LRRD1: variants seen among roughly 807,000 people sequenced by gnomAD.
LRRD1 encodes leucine rich repeats and death domain containing 1.
Under a neutral mutation model 69.5 loss-of-function variants are expected in LRRD1, and 49 were observed. The ratio of observed to expected loss-of-function variants is 0.70; its 90% CI spans 0.56 to 0.89. The LOEUF (loss-of-function observed/expected upper bound fraction) is 0.89, where lower values mean the gene tolerates loss of function less well. LRRD1 is among the 40% of genes least tolerant of loss of function. The probability of loss-of-function intolerance (pLI) is 0.00; values close to 1 mark genes in which losing one functional copy is unlikely to be tolerated. For synonymous variants in LRRD1, 303 were observed against 338.9 expected, an observed-to-expected ratio of 0.89 and a Z score of 1.16; for missense variants, 853 against 956.0, an observed-to-expected ratio of 0.89 and a Z score of 1.42.
chr7:92,175,228 T>G (rs1435351865), intron 1 of LRRD1, among the ~76,000 whole-genome samples: 4 of 152,364 alleles, frequency 2.6e-5, no homozygotes, highest in Admixed American at 6.5e-5. Flanking sequence ...ATAATGTTTT[T>G]TGCCATATTT....
chr7:92,156,114 A>G (rs1240878840), intron 3 of LRRD1, among the ~76,000 whole-genome samples: 1 of 152,180 alleles, frequency 6.6e-6, no homozygotes, highest in Non-Finnish European at 1.5e-5. Flanking sequence ...ACTCAATATT[A>G]ACCATAATTG....
In LRRD1 at chr7:92,144,842, T is replaced by C; in HGVS notation, c.*46A>G. 1 of 1,172,256 alleles carries C rather than the reference T, an allele frequency of 8.5e-7. No homozygotes were observed. The allele number at this position is 1,172,256 out of a possible 1,614,324, so 72.6% of individuals were successfully genotyped here. ...AAATGGTTCACAAACACAGTTTCAA[T>C]TATAAGTGCATCAAAAGTTTTCAGT... is the stretch of plus-strand genomic sequence containing the variant. On this transcript the variant is annotated 3_prime_UTR_variant, in exon 6 of 6. Coordinates refer to ENST00000458448, the MANE Select transcript of LRRD1 (RefSeq NM_001161528.2).
chr7:92,150,328 G>A (rs778164328), intron 4 of LRRD1, among the ~76,000 whole-genome samples: 49 of 152,018 alleles, frequency 3.2e-4, no homozygotes, highest in African/African-American at 1.0e-3. Flanking sequence ...AGCCAGGTGC[G>A]GTGACACATG....
intron 4 of LRRD1, among the ~76,000 whole-genome samples, chr7:92,150,196 T>C (rs1444716300): frequency 6.6e-6 from 1 of 152,232 alleles, no homozygotes; most frequent in Non-Finnish European, 1.5e-5. Flanking sequence ...CTTGGTGTGG[T>C]GGCTCACGCC....
intron 3 of LRRD1, among the ~76,000 whole-genome samples, chr7:92,151,562 G>C (rs1820467294): frequency 6.6e-6 from 1 of 152,132 alleles, no homozygotes; most frequent in Non-Finnish European, 1.5e-5. Context: ...TTGGAAGTAA[G>C]TCACTAAATC....
In LRRD1 at chr7:92,164,167, A is replaced by G. The variant is rs750122693; in HGVS notation, c.1036T>C (p.Phe346Leu). The G allele has an allele frequency of 6.5e-7, 1 of 1,547,686 alleles. No individual in the cohort carries two copies. Among genetic ancestry groups the G allele is most frequent in the South Asian group, 1.2e-5 (1 of 83,268 alleles). The change falls in exon 2 of 6, where the codon TTT (phenylalanine) becomes CTT (leucine). Residue 346 changes from phenylalanine to leucine, a missense_variant. Phe to Leu is a conservative substitution (Grantham distance 22). Coordinates refer to ENST00000458448, the MANE Select transcript of LRRD1 (RefSeq NM_001161528.2). ...AGTTCTTTTATTTTGAGTAACTGAA[A>G]AATTTCTACAGCCAGAAAGGTAAGC... ...NKLTFLAVEI[F>L]QLLKIKELQL...
chr7:92,142,591 G>A, downstream of LRRD1: 1 of 452,054 alleles, frequency 2.2e-6, no homozygotes, highest in African/African-American at 2.0e-5. Context: ...CAAGTATGAA[G>A]CCGACCCTCA....
chr7:92,165,334 C>T, intron 1 of LRRD1, 58 bp from the exon 2 acceptor site: 1 of 431,598 alleles, frequency 2.3e-6, no homozygotes, highest in Non-Finnish European at 4.0e-6. Flanking sequence ...ACAAATAAAT[C>T]TTAATACAAC....
At chr7:92,173,942 G>A (rs1466812767) in intron 1 of LRRD1, among the ~76,000 whole-genome samples, 1 of 152,118 alleles carries the variant, frequency 6.6e-6, no homozygotes, top group Non-Finnish European at 1.5e-5. Flanking sequence ...TCTATCAACA[G>A]ATGAATGGAT....
At chr7:92,174,510 T>TATATATATATATATA (rs1491100533) in intron 1 of LRRD1, among the ~76,000 whole-genome samples, 13 of 12,600 alleles carry the variant, frequency 1.0e-3, no homozygotes, top group African/African-American at 1.3e-3. Context: ...TATATATATA[T>TATATATATATATATA]TTTTTTTTTT....
At chr7:92,159,796 A>AT (rs1788759302) in intron 2 of LRRD1, among the ~76,000 whole-genome samples, 1 of 151,434 alleles carries the variant, frequency 6.6e-6, no homozygotes, top group Non-Finnish European at 1.5e-5. Context: ...TAATTTTTGT[A>AT]TTTTTAGTAG....
In LRRD1 at chr7:92,156,335, T is replaced by A. The variant is rs1788657405; in HGVS notation, c.2116+2670A>T. On this transcript the variant is annotated intron_variant, in intron 3 of 5. Transcript: ENST00000458448. ...TACATTTTAGAATTACCTCATTGTT[T>A]TCTGAAACAAAAAACTCTGCTAGGA... Among the ~76,000 whole-genome samples the A allele has an allele frequency of 4.6e-5, 7 of 152,224 alleles. No individual in the cohort carries two copies. In the South Asian group the frequency reaches 1.4e-3, roughly 31 times the overall value.
At position 92,163,850 on chromosome 7, in the gene LRRD1, G is replaced by A. The variant is rs1327512918; in HGVS notation, c.1353C>T (p.Asn451=). 8.0e-6 allele frequency: 12 copies of A among 1,503,102 alleles called. No individual in the cohort carries two copies. The highest frequency in any genetic ancestry group is 1.1e-5 in the Non-Finnish European group (12 of 1,130,494). The allele number at this position is 1,503,102 out of a possible 1,614,324, so 93.1% of individuals were successfully genotyped here. A position where few individuals can be genotyped will look rare whatever the true frequency, so the allele number is the denominator to read the frequency against. Residue 451 remains asparagine, a synonymous_variant, in exon 2 of 6, where the codon AAC becomes AAT. Coordinates refer to ENST00000458448, the MANE Select transcript of LRRD1 (RefSeq NM_001161528.2). ...NNICSLEFSG[N]IITDVPIEIK... is the part of the protein sequence containing the mutation. ...TTTCAATGGGAACATCTGTGATTAT[G>A]TTTCCTGAAAATTCTAGACTGCATA...
chr7:92,155,860 G>A (rs1213172089), intron 3 of LRRD1, among the ~76,000 whole-genome samples: 1 of 152,190 alleles, frequency 6.6e-6, no homozygotes. Context: ...CAGTGTTTGA[G>A]GGCAGGAAGC....
intron 3 of LRRD1, 56 bp from the exon 4 acceptor site, chr7:92,150,751 G>A: frequency 1.6e-6 from 2 of 1,266,804 alleles, no homozygotes; most frequent in Admixed American, 2.3e-5. Context: ...AAACTATGGA[G>A]ACAAATAACA....
intron 1 of LRRD1, among the ~76,000 whole-genome samples, chr7:92,167,605 C>T (rs1053989588): frequency 4.0e-5 from 6 of 151,708 alleles, no homozygotes; most frequent in Middle Eastern, 3.4e-3. Flanking sequence ...CAGCCGGGCG[C>T]GGTGGCTCAC....
intron 3 of LRRD1, among the ~76,000 whole-genome samples, chr7:92,155,167 T>C (rs1258690541): frequency 6.6e-6 from 1 of 152,188 alleles, no homozygotes; most frequent in Non-Finnish European, 1.5e-5. Flanking sequence ...CTATGGTGTA[T>C]CCAAATTGCC....
intron 3 of LRRD1, among the ~76,000 whole-genome samples, chr7:92,156,181 G>A (rs1219321099): frequency 6.6e-6 from 1 of 152,118 alleles, no homozygotes; most frequent in Non-Finnish European, 1.5e-5. Flanking sequence ...CTGTTGTTTT[G>A]CCAATACTAT....
At chr7:92,158,826 G>A (rs1788735101) in intron 3 of LRRD1, among the ~76,000 whole-genome samples, 179 bp downstream of exon 3, 1 of 152,164 alleles carries the variant, frequency 6.6e-6, no homozygotes, top group Non-Finnish European at 1.5e-5. Context: ...TTTCAAGGCA[G>A]GAACTGGACC....
Sources: allele counts gnomAD v4.1 joint callset (sites outside exome capture counted in the v4.1 genomes callset), GRCh38; gene constraint gnomAD v4.1.1; transcripts MANE v1.5; gene names NCBI Gene and HGNC (gene_info 2026-07-23, HGNC 2026-07-21).